Variants in SLC35D3 observed in about 807,000 individuals in gnomAD.
The protein encoded by SLC35D3 is frc, fringe-like 1.
A neutral mutation model predicts 20.3 loss-of-function variants in SLC35D3; 18 were observed. The ratio of observed to expected loss-of-function variants is 0.89; its 90% CI spans 0.61 to 1.32. SLC35D3 has a LOEUF of 1.32. SLC35D3 is among the 40% of genes most tolerant of loss of function. The pLI is 0.00. For missense variants in SLC35D3, 556 were observed against 565.5 expected (o/e 0.98, Z 0.17); for synonymous variants, 313 against 263.5 (o/e 1.19, Z -1.82).
chr6:136,923,506 C>A lies in SLC35D3; in HGVS notation c.440-379C>A, dbSNP rs1056780855. 9.2e-5 allele frequency among the ~76,000 whole-genome samples: 14 copies of A among 152,192 alleles called. No individual in the cohort carries two copies. The highest frequency in any genetic ancestry group is 1.8e-4 in the Non-Finnish European group (12 of 68,028). On this transcript the variant is annotated intron_variant, in intron 1 of 1. Coordinates refer to ENST00000331858, the MANE Select transcript of SLC35D3 (RefSeq NM_001008783.3). The surrounding 1 kb of genome is among the most constrained non-coding windows in gnomAD (Gnocchi z 6.2). ...GCTGGGGCTCCCTCTCCCTTTGGTG[C>A]CCCACGGGGCAGGGGCTCCGGGGTG...
Position 136,924,225 on chromosome 6 carries a change from G to A in SLC35D3, c.780G>A (p.Val260=). The A allele has an allele frequency of 6.2e-7, 1 of 1,613,954 alleles. No homozygotes were observed. The highest frequency in any genetic ancestry group is 8.5e-7 in the Non-Finnish European group (1 of 1,180,028). Residue 260 remains valine, a synonymous_variant, in exon 2 of 2, where the codon GTG becomes GTA. Transcript: ENST00000331858. The stretch of plus-strand genomic sequence containing the variant: ...CCGTGACCACCAGCTTCGTGGGTGT[G>A]GTGAAGAGCATCGCCACCATCACGG... The part of the protein sequence containing the change: ...NSAVTTSFVG[V]VKSIATITVG...
chr6:136,923,805 G>C lies in SLC35D3; in HGVS notation c.440-80G>C. 2 of 1,361,510 alleles carry C rather than the reference G, an allele frequency of 1.5e-6. No individual in the cohort carries two copies. The highest frequency in any genetic ancestry group is 1.9e-6 in the Non-Finnish European group (2 of 1,029,924). The allele number at this position is 1,361,510 out of a possible 1,614,324, so 84.3% of individuals were successfully genotyped here. A position where few individuals can be genotyped will look rare whatever the true frequency, so the allele number is the denominator to read the frequency against. The stretch of plus-strand genomic sequence containing the variant: ...TCCTACCCGACGCGTTTTCCCCGTG[G>C]GTCCCCGCCCACGCCAACCTGCTGT... On this transcript the variant is annotated intron_variant, in intron 1 of 1. Transcript: ENST00000331858. This position sits in a 1 kb window ranked among gnomAD's most constrained non-coding sequence, Gnocchi z 6.2.
chr6:136,924,168 C>A lies in SLC35D3; in HGVS notation c.723C>A (p.Phe241Leu), dbSNP rs1331425698. The change falls in exon 2 of 2, where the codon TTC becomes TTA. Residue 241 changes from phenylalanine to leucine, a missense_variant. By Grantham distance (22) the Phe-to-Leu change is conservative. Transcript: ENST00000331858. ...ACILIGCAMNFTTLHCTYINS... is the reference protein window; with the variant it reads ...ACILIGCAMNLTTLHCTYINS... ...TCCTGATCGGCTGCGCCATGAACTTCACCACGCTGCACTGCACCTACATCA... is the reference window on the plus strand; with the variant it reads ...TCCTGATCGGCTGCGCCATGAACTTAACCACGCTGCACTGCACCTACATCA... 1 of 1,612,934 alleles carries A rather than the reference C, an allele frequency of 6.2e-7. No homozygotes were observed. The highest frequency in any genetic ancestry group is 1.3e-5 in the African/African-American group (1 of 74,948).
Position 136,922,833 on chromosome 6 carries a change from G to C in SLC35D3, c.405G>C (p.Ala135=). 1.3e-6 allele frequency: 2 copies of C among 1,551,038 alleles called. No homozygotes were observed. Among genetic ancestry groups the C allele is most frequent in the Non-Finnish European group, 1.7e-6 (2 of 1,150,258 alleles). Residue 135 remains alanine, a synonymous_variant, in exon 1 of 2, where the codon GCG becomes GCC. Transcript: ENST00000331858. This position sits in a 1 kb window ranked among gnomAD's most constrained non-coding sequence, Gnocchi z 6.8. The part of the protein sequence containing the change: ...NGAPSPGVLA[A]VLITTCGAAL... ...CGCCCTCGCCAGGGGTGCTGGCGGC[G>C]GTGCTCATCACCACCTGCGGCGCCG...
chr6:136,924,490 G>A lies in SLC35D3; in HGVS notation c.1045G>A (p.Gly349Arg), dbSNP rs777889017. The stretch of plus-strand genomic sequence containing the variant: ...GGGAGGAAATGGCCGGTCAGAAGGT[G>A]GGGAGGCAGCAGGTGGCCCCGCTCA... ...GEGGNGRSEG[G>R]EAAGGPAQES... Residue 349 changes from glycine (G) to arginine (R), a missense_variant, in exon 2 of 2, where the codon GGG (glycine) becomes AGG (arginine). By Grantham distance (125) the Gly-to-Arg change is moderately radical. Coordinates refer to ENST00000331858, the MANE Select transcript of SLC35D3 (RefSeq NM_001008783.3). 2 of 1,613,570 alleles carry A rather than the reference G, an allele frequency of 1.2e-6. No individual in the cohort carries two copies. The highest frequency in any genetic ancestry group is 1.7e-6 in the Non-Finnish European group (2 of 1,179,852).
Position 136,923,736 on chromosome 6 carries a change from C to T in SLC35D3, c.440-149C>T, listed in dbSNP as rs1776093091. 1 of 770,336 alleles carries T rather than the reference C, an allele frequency of 1.3e-6. No homozygotes were observed. Among genetic ancestry groups the T allele is most frequent in the Admixed American group, 3.0e-5 (1 of 33,772 alleles). 47.7% of individuals were successfully genotyped at this position (770,336 alleles called of 1,614,324 possible). ...CGAGGGACGGCGGGCGTCTGTCACT[C>T]AGGAATCCGGTGGGCAGAGCTGGGG... On this transcript the variant is annotated intron_variant, in intron 1 of 1. Coordinates refer to ENST00000331858, the MANE Select transcript of SLC35D3 (RefSeq NM_001008783.3). This position sits in a 1 kb window ranked among gnomAD's most constrained non-coding sequence, Gnocchi z 6.2.
chr6:136,923,684 T>C lies in SLC35D3; in HGVS notation c.440-201T>C, dbSNP rs1171132126. Among the ~76,000 whole-genome samples, 1 of 152,120 alleles carries C rather than the reference T, an allele frequency of 6.6e-6. No homozygotes were observed. The highest frequency in any genetic ancestry group is 1.5e-5 in the Non-Finnish European group (1 of 68,000). Reference sequence around the variant, plus strand: ...CGGGAAGGCGCTCTGAGCACTGAGTTTGGCTGTCGCATTTGACACGGGTGG... The same window carrying C: ...CGGGAAGGCGCTCTGAGCACTGAGTCTGGCTGTCGCATTTGACACGGGTGG... On this transcript the variant is annotated intron_variant, in intron 1 of 1. Coordinates refer to ENST00000331858, the MANE Select transcript of SLC35D3 (RefSeq NM_001008783.3). This position sits in a 1 kb window ranked among gnomAD's most constrained non-coding sequence, Gnocchi z 6.2.
At position 136,925,337 on chromosome 6, in the gene SLC35D3, G is replaced by A. The variant is rs1776118852; in HGVS notation, c.*641G>A. 6.6e-6 allele frequency: 1 copy of A among 152,598 alleles called. No homozygotes were observed. Among genetic ancestry groups the A allele is most frequent in the Non-Finnish European group, 1.5e-5 (1 of 68,042 alleles). The allele number at this position is 152,598 out of a possible 1,614,324, so 9.5% of individuals were successfully genotyped here. ...CTTAGCTTTAATCATGAAGTCTGAA[G>A]TTTGCTTTCAGTAATTATTTTAAAA... On this transcript the variant is annotated 3_prime_UTR_variant, in exon 2 of 2. Coordinates refer to ENST00000331858, the MANE Select transcript of SLC35D3 (RefSeq NM_001008783.3).
Position 136,924,174 on chromosome 6 carries a change from G to A in SLC35D3, c.729G>A (p.Thr243=). The change falls in exon 2 of 2, where the codon ACG becomes ACA. Residue 243 remains threonine, a synonymous_variant. Coordinates refer to ENST00000331858, the MANE Select transcript of SLC35D3 (RefSeq NM_001008783.3). The part of the protein sequence containing the change: ...ILIGCAMNFT[T]LHCTYINSAV... ...TCGGCTGCGCCATGAACTTCACCAC[G>A]CTGCACTGCACCTACATCAATTCGG... is the stretch of plus-strand genomic sequence containing the variant. The A allele has an allele frequency of 6.2e-7, 1 of 1,613,044 alleles. No individual in the cohort carries two copies. The highest frequency in any genetic ancestry group is 8.5e-7 in the Non-Finnish European group (1 of 1,180,030).
In SLC35D3 at chr6:136,922,354, T is replaced by C; in HGVS notation, c.-75T>C. 1 of 1,252,418 alleles carries C rather than the reference T, an allele frequency of 8.0e-7. No individual in the cohort carries two copies. Among genetic ancestry groups the C allele is most frequent in the Non-Finnish European group, 1.0e-6 (1 of 997,838 alleles). 77.6% of individuals were successfully genotyped at this position (1,252,418 alleles called of 1,614,324 possible). On this transcript the variant is annotated 5_prime_UTR_variant, in exon 1 of 2. Transcript: ENST00000331858. This position sits in a 1 kb window ranked among gnomAD's most constrained non-coding sequence, Gnocchi z 6.8. Reference sequence around the variant, plus strand: ...CGCTGGGCGGGCGCCCCCGCCGCCCTCACTCCGCTGCTCCCGGCTCCTCGC... The same window carrying C: ...CGCTGGGCGGGCGCCCCCGCCGCCCCCACTCCGCTGCTCCCGGCTCCTCGC...
Position 136,923,763 on chromosome 6 carries a change from G to T in SLC35D3, c.440-122G>T. ...GGAATCCGGTGGGCAGAGCTGGGGC[G>T]CGAACCCAGTCTCCTTTCCTACCCG... On this transcript the variant is annotated intron_variant, in intron 1 of 1. Coordinates refer to ENST00000331858, the MANE Select transcript of SLC35D3 (RefSeq NM_001008783.3). This position sits in a 1 kb window ranked among gnomAD's most constrained non-coding sequence, Gnocchi z 6.2. The T allele has an allele frequency of 1.0e-6, 1 of 952,522 alleles. No individual in the cohort carries two copies. Among genetic ancestry groups the T allele is most frequent in the Admixed American group, 2.9e-5 (1 of 34,360 alleles). The allele number at this position is 952,522 out of a possible 1,614,324, so 59.0% of individuals were successfully genotyped here.
chr6:136,924,977 A>T lies in SLC35D3; in HGVS notation c.*281A>T, dbSNP rs905825273. On this transcript the variant is annotated 3_prime_UTR_variant, in exon 2 of 2. Coordinates refer to ENST00000331858, the MANE Select transcript of SLC35D3 (RefSeq NM_001008783.3). ...ACTCCTGGCACATTTACTTTTTGTCATTATAACCATAACTAAATATCTGCA... is the reference window on the plus strand; with the variant it reads ...ACTCCTGGCACATTTACTTTTTGTCTTTATAACCATAACTAAATATCTGCA... 3.3e-6 allele frequency: 1 copy of T among 301,900 alleles called. No individual in the cohort carries two copies. The highest frequency in any genetic ancestry group is 2.2e-5 in the African/African-American group (1 of 46,472). 18.7% of individuals were successfully genotyped at this position (301,900 alleles called of 1,614,324 possible).
At position 136,922,682 on chromosome 6, in the gene SLC35D3, C is replaced by T. The variant is rs1425479572; in HGVS notation, c.254C>T (p.Ser85Phe). Residue 85 changes from serine (S) to phenylalanine (F), a missense_variant, in exon 1 of 2, where the codon TCC (serine) becomes TTC (phenylalanine). Physicochemically the swap from Ser to Phe is radical, Grantham distance 155. Transcript: ENST00000331858. The surrounding 1 kb of genome is among the most constrained non-coding windows in gnomAD (Gnocchi z 6.8). ...ARSFAGVAVL[S>F]TLQSSLTLWS... is the part of the protein sequence containing the mutation. ...TCCTTCGCGGGGGTCGCGGTGCTCT[C>T]CACGCTGCAGTCCAGCCTCACGCTC... 1.2e-6 allele frequency: 2 copies of T among 1,603,684 alleles called. No individual in the cohort carries two copies. The highest frequency in any genetic ancestry group is 1.7e-6 in the Non-Finnish European group (2 of 1,176,850).
chr6:136,922,416 C>G lies in SLC35D3; in HGVS notation c.-13C>G. 1 of 1,509,034 alleles carries G rather than the reference C, an allele frequency of 6.6e-7. No homozygotes were observed. The highest frequency in any genetic ancestry group is 8.8e-7 in the Non-Finnish European group (1 of 1,132,444). 93.5% of individuals were successfully genotyped at this position (1,509,034 alleles called of 1,614,324 possible). A position where few individuals can be genotyped will look rare whatever the true frequency, so the allele number is the denominator to read the frequency against. ...GGAGCTCCGCCACCGCTGGGTGCGG[C>G]GAGGCCGGCGCGATGCGGCAGCTGT... On this transcript the variant is annotated 5_prime_UTR_variant, in exon 1 of 2. Transcript: ENST00000331858. This position sits in a 1 kb window ranked among gnomAD's most constrained non-coding sequence, Gnocchi z 6.8.
Position 136,922,624 on chromosome 6 carries a change from G to A in SLC35D3, c.196G>A (p.Ala66Thr), listed in dbSNP as rs760067561. The change falls in exon 1 of 2, where the codon GCC becomes ACC. Residue 66 changes from alanine to threonine, a missense_variant. Transcript: ENST00000331858. This position sits in a 1 kb window ranked among gnomAD's most constrained non-coding sequence, Gnocchi z 6.8. Reference sequence around the variant, plus strand: ...GCTGCTGCGGCGCCTCGGGCTCATCGCCGTGCCCCCCTTCGGTCTGAGCCT... The same window carrying A: ...GCTGCTGCGGCGCCTCGGGCTCATCACCGTGCCCCCCTTCGGTCTGAGCCT... ...LELLRRLGLI[A>T]VPPFGLSLAR... 2 of 1,610,564 alleles carry A rather than the reference G, an allele frequency of 1.2e-6. No homozygotes were observed. Among genetic ancestry groups the A allele is most frequent in the Non-Finnish European group, 1.7e-6 (2 of 1,179,600 alleles).
At position 136,923,794 on chromosome 6, in the gene SLC35D3, T is replaced by C; in HGVS notation, c.440-91T>C. ...CCAGTCTCCTTTCCTACCCGACGCG[T>C]TTTCCCCGTGGGTCCCCGCCCACGC... On this transcript the variant is annotated intron_variant, in intron 1 of 1. Transcript: ENST00000331858. This position sits in a 1 kb window ranked among gnomAD's most constrained non-coding sequence, Gnocchi z 6.2. 6 of 1,297,956 alleles carry C rather than the reference T, an allele frequency of 4.6e-6. No individual in the cohort carries two copies. The highest frequency in any genetic ancestry group is 6.2e-6 in the Non-Finnish European group (6 of 973,090). The allele number at this position is 1,297,956 out of a possible 1,614,324, so 80.4% of individuals were successfully genotyped here.
rs1390071251 is a variant in SLC35D3 at position 136,923,920 on chromosome 6, G to T, written c.475G>T (p.Val159Phe). Reference protein sequence around the residue: ...GDLTGDPIGYVTGVLAVLVHA... With the variant: ...GDLTGDPIGYFTGVLAVLVHA... ...CCTGACGGGCGACCCCATCGGGTACGTCACGGGAGTGCTGGCGGTGCTGGT... is the reference window on the plus strand; with the variant it reads ...CCTGACGGGCGACCCCATCGGGTACTTCACGGGAGTGCTGGCGGTGCTGGT... The change falls in exon 2 of 2, where the codon GTC (valine) becomes TTC (phenylalanine). Residue 159 changes from valine to phenylalanine, a missense_variant. By Grantham distance (50) the Val-to-Phe change is conservative. Transcript: ENST00000331858. The surrounding 1 kb of genome is among the most constrained non-coding windows in gnomAD (Gnocchi z 6.2). 9 of 1,536,676 alleles carry T rather than the reference G, an allele frequency of 5.9e-6. No individual in the cohort carries two copies. In the African/African-American group the frequency reaches 1.1e-4, roughly 19 times the overall value.
In SLC35D3 at chr6:136,924,344, C is replaced by T. The variant is rs1776103708; in HGVS notation, c.899C>T (p.Ala300Val). The stretch of plus-strand genomic sequence containing the variant: ...CTGGGCTCTATCATTTACTGTGTGG[C>T]CAAGTTCATGGAGACCAGAAAGCAA... ...NTLGSIIYCV[A>V]KFMETRKQSN... is the part of the protein sequence containing the mutation. Residue 300 changes from alanine (A) to valine (V), a missense_variant, in exon 2 of 2, where the codon GCC (alanine) becomes GTC (valine). Physicochemically the swap from Ala to Val is moderately conservative, Grantham distance 64. Coordinates refer to ENST00000331858, the MANE Select transcript of SLC35D3 (RefSeq NM_001008783.3). 2 of 1,614,006 alleles carry T rather than the reference C, an allele frequency of 1.2e-6. No homozygotes were observed. Among genetic ancestry groups the T allele is most frequent in the Non-Finnish European group, 1.7e-6 (2 of 1,180,058 alleles).
At position 136,922,770 on chromosome 6, in the gene SLC35D3, C is replaced by T; in HGVS notation, c.342C>T (p.Val114=). 2 of 1,566,338 alleles carry T rather than the reference C, an allele frequency of 1.3e-6. No individual in the cohort carries two copies. The highest frequency in any genetic ancestry group is 1.7e-6 in the Non-Finnish European group (2 of 1,155,836). Residue 114 remains valine, a synonymous_variant, in exon 1 of 2, where the codon GTC becomes GTT. Transcript: ENST00000331858. The surrounding 1 kb of genome is among the most constrained non-coding windows in gnomAD (Gnocchi z 6.8). ...TCTTCAAGCGCTGCCTGCCCCTGGT[C>T]ACCATGCTCATCGGCGTCCTGGTGC... ...YVVFKRCLPL[V]TMLIGVLVLK...
Sources: allele counts gnomAD v4.1 joint callset (sites outside exome capture counted in the v4.1 genomes callset), GRCh38; gene constraint gnomAD v4.1.1; non-coding constraint Gnocchi (gnomAD v3.1); transcripts MANE v1.5; gene names NCBI Gene and HGNC (gene_info 2026-07-23, HGNC 2026-07-21).